MCC: variants seen among roughly 807,000 people sequenced by gnomAD.
MCC encodes the protein colorectal mutant cancer protein.
Under a neutral mutation model 116.2 loss-of-function variants are expected in MCC, and 90 were observed. The ratio of observed to expected loss-of-function variants is 0.77; its 90% CI spans 0.65 to 0.92. The LOEUF (loss-of-function observed/expected upper bound fraction) is 0.92. Ranked by LOEUF, MCC falls within the 40% of genes least tolerant of loss-of-function variation. The pLI, the probability that MCC is intolerant of heterozygous loss-of-function variation, is 0.00. For synonymous variants in MCC, 578 were observed against 510.5 expected, an observed-to-expected ratio of 1.13 and a Z score of -1.78; for missense variants, 1,516 against 1,312.2, an observed-to-expected ratio of 1.16 and a Z score of -2.40.
intron 1 of MCC, among the ~76,000 whole-genome samples, chr5:113,403,516 G>A (rs1302738949): frequency 6.6e-6 from 1 of 152,178 alleles, no homozygotes; most frequent in Non-Finnish European, 1.5e-5. Context: ...GAAATTTGTA[G>A]TACAAATCAT....
intron 12 of MCC, among the ~76,000 whole-genome samples, chr5:113,068,782 T>C (rs1488977409): frequency 6.6e-6 from 1 of 152,156 alleles, no homozygotes; most frequent in African/African-American, 2.4e-5. Flanking sequence ...GCCAGGTGAG[T>C]GAGCCTTCTT....
Position 113,468,220 on chromosome 5 carries a change from T to G in MCC, c.170+20025A>C, listed in dbSNP as rs1771971224. ...CTGGCCAGAACTTCCAACACTATGT[T>G]GAATAGGAGTGGTGAGAGAGGGCAT... On this transcript the variant is annotated intron_variant, in intron 1 of 18. Coordinates refer to ENST00000408903, the MANE Select transcript of MCC (RefSeq NM_001085377.2). 3.3e-5 allele frequency among the ~76,000 whole-genome samples: 5 copies of G among 152,328 alleles called. No homozygotes were observed. In the South Asian group the frequency reaches 1.0e-3, roughly 32 times the overall value.
chr5:113,162,641 C>A (rs902405440), intron 3 of MCC, among the ~76,000 whole-genome samples: 2 of 152,100 alleles, frequency 1.3e-5, no homozygotes, highest in African/African-American at 4.8e-5. Flanking sequence ...GGACCACAGT[C>A]AGGCACCACC....
chr5:113,222,041 A>C (rs560092509), intron 3 of MCC, among the ~76,000 whole-genome samples: 19 of 152,338 alleles, frequency 1.2e-4, no homozygotes, highest in African/African-American at 4.6e-4. Context: ...TGCTGGCTGT[A>C]GGTTTTTTCA....
At chr5:113,250,536 T>C (rs187799998) in intron 3 of MCC, among the ~76,000 whole-genome samples, 63 of 151,424 alleles carry the variant, frequency 4.2e-4, no homozygotes, top group Non-Finnish European at 4.9e-4. Context: ...CATGTGCCTT[T>C]ATAAATAATT....
chr5:113,485,730 C>T (rs1416516222), intron 1 of MCC, among the ~76,000 whole-genome samples: 1 of 152,182 alleles, frequency 6.6e-6, no homozygotes. Flanking sequence ...AGATAGCCTA[C>T]CTCCAGATTT....
At chr5:113,066,503 G>A (rs974881934) in intron 13 of MCC, among the ~76,000 whole-genome samples, 8 of 152,096 alleles carry the variant, frequency 5.3e-5, no homozygotes, top group South Asian at 2.1e-4. Flanking sequence ...AAAACCAGAG[G>A]GAGGATCAGA....
rs1379659117 is a variant in MCC, at chr5:113,027,279, G to A, written c.*23C>T. ...TGCTGCAGTTTACTTCCCATGGGCA[G>A]AACTCCGGTGCGTGAGTGCTGATTA... is the stretch of plus-strand genomic sequence containing the variant. On this transcript the variant is annotated 3_prime_UTR_variant, in exon 19 of 19. Transcript: ENST00000408903. 4.3e-6 allele frequency: 7 copies of A among 1,612,076 alleles called. No homozygotes were observed. In the South Asian group the frequency reaches 7.7e-5, roughly 18 times the overall value.
chr5:113,197,135 G>GA (rs576268910), intron 3 of MCC, among the ~76,000 whole-genome samples: 4 of 152,204 alleles, frequency 2.6e-5, no homozygotes, highest in Non-Finnish European at 5.9e-5. Flanking sequence ...GTGGGCTGGG[G>GA]GGTCCGCTCC....
intron 6 of MCC, among the ~76,000 whole-genome samples, chr5:113,109,216 G>A (rs760558625): frequency 4.6e-5 from 7 of 152,142 alleles, no homozygotes; most frequent in African/African-American, 7.2e-5. Context: ...ATTGTACCCC[G>A]ATGTTCATAG....
At chr5:113,074,922 T>A (rs1026207419) in intron 11 of MCC, among the ~76,000 whole-genome samples, 2 of 151,262 alleles carry the variant, frequency 1.3e-5, no homozygotes, top group African/African-American at 2.5e-5. Flanking sequence ...TGCTTGCTCT[T>A]GGCACCTCGT....
At chr5:113,042,474 CAAAAA>C (rs5870523) in intron 17 of MCC, among the ~76,000 whole-genome samples, 8 of 68,464 alleles carry the variant, frequency 1.2e-4, no homozygotes, top group African/African-American at 4.8e-4. Context: ...GACCCTCTCT[CAAAAA>C]AAAAAAAAAA....
At chr5:113,034,306 C>T (rs1241825100) in intron 17 of MCC, among the ~76,000 whole-genome samples, 1 of 152,168 alleles carries the variant, frequency 6.6e-6, no homozygotes, top group African/African-American at 2.4e-5. Flanking sequence ...ATATGAAAAC[C>T]AAGGTGGCTT....
chr5:113,033,766 A>G (rs1230740262), intron 17 of MCC, among the ~76,000 whole-genome samples: 1 of 152,206 alleles, frequency 6.6e-6, no homozygotes, highest in African/African-American at 2.4e-5. Context: ...CTGGATTGTA[A>G]TGACTGTGAC....
chr5:113,448,287 C>T lies in MCC; in HGVS notation c.170+39958G>A, dbSNP rs147450419. Reference sequence around the variant, plus strand: ...CATTCTTCTCCTTTCTGGTGCATAACCTTTGAAGGAAGAACATATGTGGAA... The same window carrying T: ...CATTCTTCTCCTTTCTGGTGCATAATCTTTGAAGGAAGAACATATGTGGAA... On this transcript the variant is annotated intron_variant, in intron 1 of 18. Transcript: ENST00000408903. The T allele has an allele frequency of 1.1e-4, 17 of 152,260 alleles. No homozygotes were observed. The East Asian group carries it at 3.3e-3, about 29-fold the overall frequency. 9.4% of individuals were successfully genotyped at this position (152,260 alleles called of 1,614,324 possible). A position where few individuals can be genotyped will look rare whatever the true frequency, so the allele number is the denominator to read the frequency against.
intron 2 of MCC, among the ~76,000 whole-genome samples, chr5:113,356,453 T>G (rs977023753): frequency 1.5e-4 from 22 of 150,846 alleles, no homozygotes; most frequent in Non-Finnish European, 2.9e-4. Context: ...GAATATTTAG[T>G]GTTTGAAGGT....
intron 4 of MCC, among the ~76,000 whole-genome samples, chr5:113,145,602 A>T (rs886859780): frequency 1.3e-5 from 2 of 152,184 alleles, no homozygotes; most frequent in Non-Finnish European, 2.9e-5. Context: ...AATAAAAACC[A>T]CCAAAAGACC....
rs558080283 is a variant in MCC at position 113,249,078 on chromosome 5, G to A, written c.627+91441C>T. ...AGGCTGGTCTCGAACTCCTGACCTC[G>A]TGATCTGCCTGCCTCGGCCTCCCAA... On this transcript the variant is annotated intron_variant, in intron 3 of 18. Coordinates refer to ENST00000408903, the MANE Select transcript of MCC (RefSeq NM_001085377.2). 2.6e-5 allele frequency among the ~76,000 whole-genome samples: 4 copies of A among 152,032 alleles called. No homozygotes were observed. In the East Asian group the frequency reaches 5.8e-4, roughly 22 times the overall value.
In MCC at chr5:113,045,999, C is replaced by G. The variant is rs905473256; in HGVS notation, c.2656-2369G>C. On this transcript the variant is annotated intron_variant, in intron 16 of 18. Transcript: ENST00000408903. ...AGTGCTGACCCCTTCTCTAGATGCTCGCCTCATCCAGCAACAGCTAAGACC... is the reference window on the plus strand; with the variant it reads ...AGTGCTGACCCCTTCTCTAGATGCTGGCCTCATCCAGCAACAGCTAAGACC... Among the ~76,000 whole-genome samples the G allele has an allele frequency of 2.0e-5, 3 of 152,094 alleles. No individual in the cohort carries two copies. The South Asian group carries it at 6.2e-4, about 32-fold the overall frequency.
Sources: allele counts gnomAD v4.1 joint callset (sites outside exome capture counted in the v4.1 genomes callset), GRCh38; gene constraint gnomAD v4.1.1; transcripts MANE v1.5; gene names NCBI Gene and HGNC (gene_info 2026-07-23, HGNC 2026-07-21).